The following HAND1 variants were observed in gnomAD, a reference collection of about 807,000 sequenced individuals.
The protein encoded by HAND1 is heart- and neural crest derivatives-expressed protein 1.
Under a neutral mutation model 14.5 loss-of-function variants are expected in HAND1, and 10 were observed. The ratio of observed to expected loss-of-function variants is 0.69; its 90% CI spans 0.42 to 1.17. The LOEUF is 1.17. Ranked by LOEUF, HAND1 falls within the 50% of genes most tolerant of loss-of-function variation. HAND1 has a pLI of 0.00. For missense variants in HAND1, 299 were observed against 298.4 expected, an observed-to-expected ratio of 1.00 and a Z score of -0.01; for synonymous variants, 128 against 127.1, an observed-to-expected ratio of 1.01 and a Z score of -0.05.
At position 154,477,545 on chromosome 5, in the gene HAND1, T is replaced by A; in HGVS notation, c.464A>T (p.Gln155Leu). Residue 155 changes from glutamine to leucine, a missense_variant, in exon 1 of 2, where the codon CAG (glutamine) becomes CTG (leucine). Gln to Leu is a moderately radical substitution (Grantham distance 113). Transcript: ENST00000231121. ...YLMDVLAKDA[Q>L]SGDPEAFKAE... ...CTTGAAGGCCTCGGGATCGCCAGAC[T>A]GTGCATCCTTGGCCAGCACGTCCAT... 1 of 1,614,234 alleles carries A rather than the reference T, an allele frequency of 6.2e-7. No homozygotes were observed. Among genetic ancestry groups the A allele is most frequent in the Non-Finnish European group, 8.5e-7 (1 of 1,180,026 alleles).
chr5:154,477,758 C>T lies in HAND1; in HGVS notation c.251G>A (p.Arg84Gln). ...PDARPGQSPG[R>Q]LEALGGRLGR... ...AAGACGGCCGCCAAGCGCCTCCAGC[C>T]GCCCGGGGCTCTGCCCAGGCCTGGC... The change falls in exon 1 of 2, where the codon CGG (arginine) becomes CAG (glutamine). Residue 84 changes from arginine to glutamine, a missense_variant. Transcript: ENST00000231121. 6.2e-7 allele frequency: 1 copy of T among 1,610,198 alleles called. No homozygotes were observed. The highest frequency in any genetic ancestry group is 8.5e-7 in the Non-Finnish European group (1 of 1,179,256).
chr5:154,476,434 A>C (rs1263366386), intron 1 of HAND1, among the ~76,000 whole-genome samples: 2 of 152,150 alleles, frequency 1.3e-5, no homozygotes, highest in African/African-American at 4.8e-5. Flanking sequence ...AGCAGGAACC[A>C]AGCGGTGCTA....
intron 1 of HAND1, 93 bp from the exon 2 acceptor site, chr5:154,476,003 G>C (rs1757535696): frequency 2.2e-6 from 2 of 929,258 alleles, no homozygotes; most frequent in Non-Finnish European, 3.5e-6. Flanking sequence ...TGAGGAGGAG[G>C]GGAAGGTGTC....
At chr5:154,476,669 A>G (rs779308716) in intron 1 of HAND1, among the ~76,000 whole-genome samples, 5 of 151,802 alleles carry the variant, frequency 3.3e-5, no homozygotes, top group South Asian at 2.1e-4. Context: ...AGCTGGCTCC[A>G]CTCCGCTACG....
rs1206454242 is a variant in HAND1 at position 154,477,690 on chromosome 5, T to G, written c.319A>C (p.Thr107Pro). ...GCGAATGCGCTGTTAATGCTCTCAG[T>G]GCGTCTCCGCTCCTTCTTGGGTCCT... ...GSGPKKERRR[T>P]ESINSAFAEL... Residue 107 changes from threonine (T) to proline (P), a missense_variant, in exon 1 of 2, where the codon ACT becomes CCT. Transcript: ENST00000231121. 3 of 1,614,220 alleles carry G rather than the reference T, an allele frequency of 1.9e-6. No individual in the cohort carries two copies. The highest frequency in any genetic ancestry group is 1.3e-5 in the African/African-American group (1 of 75,068).
In HAND1 at chr5:154,477,635, G is replaced by C. The variant is rs1405443403; in HGVS notation, c.374C>G (p.Pro125Arg). ...AELRECIPNV[P>R]ADTKLSKIKT... ...GATCTTGGAGAGCTTGGTGTCGGCC[G>C]GCACGTTGGGGATGCACTCGCGCAA... Residue 125 changes from proline to arginine, a missense_variant, in exon 1 of 2, where the codon CCG (proline) becomes CGG (arginine). Coordinates refer to ENST00000231121, the MANE Select transcript of HAND1 (RefSeq NM_004821.3). 1 of 1,614,116 alleles carries C rather than the reference G, an allele frequency of 6.2e-7. No individual in the cohort carries two copies. The highest frequency in any genetic ancestry group is 1.7e-5 in the Admixed American group (1 of 60,014).
Position 154,477,580 on chromosome 5 carries a change from G to A in HAND1, c.429C>T (p.Ile143=). The change falls in exon 1 of 2, where the codon ATC becomes ATT. Residue 143 remains isoleucine, a synonymous_variant. Transcript: ENST00000231121. The part of the protein sequence containing the change: ...IKTLRLATSY[I]AYLMDVLAKD... ...TGGCCAGCACGTCCATCAGGTAGGCGATGTAGCTGGTGGCTAGGCGCAGAG... is the reference window on the plus strand; with the variant it reads ...TGGCCAGCACGTCCATCAGGTAGGCAATGTAGCTGGTGGCTAGGCGCAGAG... The A allele has an allele frequency of 1.2e-6, 2 of 1,614,240 alleles. No individual in the cohort carries two copies. Among genetic ancestry groups the A allele is most frequent in the Non-Finnish European group, 1.7e-6 (2 of 1,180,022 alleles).
In HAND1 at chr5:154,477,828, G is replaced by T. The variant is rs768012504; in HGVS notation, c.181C>A (p.Pro61Thr). 1 of 1,592,636 alleles carries T rather than the reference G, an allele frequency of 6.3e-7. No homozygotes were observed. The highest frequency in any genetic ancestry group is 8.5e-7 in the Non-Finnish European group (1 of 1,176,424). The part of the protein sequence containing the change: ...DAAPDFPAGG[P>T]PPAAAAAATA... The stretch of plus-strand genomic sequence containing the variant: ...GCGGCTGCAGCGGCCGCGGGCGGCG[G>T]CCCGCCCGCAGGGAAGTCCGGGGCA... The change falls in exon 1 of 2, where the codon CCG becomes ACG. Residue 61 changes from proline (P) to threonine (T), a missense_variant. Physicochemically the swap from Pro to Thr is conservative, Grantham distance 38. Transcript: ENST00000231121.
Position 154,477,888 on chromosome 5 carries a change from A to G in HAND1, c.121T>C (p.Tyr41His). 9 of 1,600,754 alleles carry G rather than the reference A, an allele frequency of 5.6e-6. No individual in the cohort carries two copies. The highest frequency in any genetic ancestry group is 6.8e-6 in the Non-Finnish European group (8 of 1,179,828). ...GGGCTCAGCAGCCAGCTCTGGAAGT[A>G]GGGCCTTTCCTGATGACAGCGCGAG... ...PASRCHQERPYFQSWLLSPAD... is the reference protein window; with the variant it reads ...PASRCHQERPHFQSWLLSPAD... The change falls in exon 1 of 2, where the codon TAC becomes CAC. Residue 41 changes from tyrosine to histidine, a missense_variant. Transcript: ENST00000231121.
chr5:154,475,825 G>T lies in HAND1; in HGVS notation c.629C>A (p.Ala210Glu), dbSNP rs746068193. ...GRTGWPQQVW[A>E]LELNQ ...CTCGGCTCACTGGTTTAACTCCAGC[G>T]CCCAGACTTGCTGCGGCCAGCCGGT... Residue 210 changes from alanine (A) to glutamate (E), a missense_variant, in exon 2 of 2, where the codon GCG becomes GAG. Coordinates refer to ENST00000231121, the MANE Select transcript of HAND1 (RefSeq NM_004821.3). 1.9e-6 allele frequency: 3 copies of T among 1,612,988 alleles called. No individual in the cohort carries two copies. The highest frequency in any genetic ancestry group is 2.2e-5 in the South Asian group (2 of 91,042).
chr5:154,475,853 G>T lies in HAND1; in HGVS notation c.601C>A (p.Arg201Ser). The T allele has an allele frequency of 1.2e-6, 2 of 1,614,052 alleles. No individual in the cohort carries two copies. The highest frequency in any genetic ancestry group is 1.7e-6 in the Non-Finnish European group (2 of 1,179,936). The change falls in exon 2 of 2, where the codon CGC becomes AGC. Residue 201 changes from arginine (R) to serine (S), a missense_variant. Transcript: ENST00000231121. ...CAGACTTGCTGCGGCCAGCCGGTGC[G>T]TCCTTTAATCCTCTTCTCGACTGGG... Reference protein sequence around the residue: ...LGPVEKRIKGRTGWPQQVWAL... With the variant: ...LGPVEKRIKGSTGWPQQVWAL...
chr5:154,477,727 C>T lies in HAND1; in HGVS notation c.282G>A (p.Arg94=). Residue 94 remains arginine, a synonymous_variant, in exon 1 of 2, where the codon CGG becomes CGA. Transcript: ENST00000231121. The stretch of plus-strand genomic sequence containing the variant: ...CCTTCTTGGGTCCTGAGCCTTTCCG[C>T]CGGCCAAGACGGCCGCCAAGCGCCT... ...RLEALGGRLG[R]RKGSGPKKER... The T allele has an allele frequency of 1.9e-6, 3 of 1,613,402 alleles. No homozygotes were observed. The highest frequency in any genetic ancestry group is 1.3e-5 in the African/African-American group (1 of 75,070).
In HAND1 at chr5:154,477,748, C is replaced by T. The variant is rs768347498; in HGVS notation, c.261G>A (p.Ala87=). The stretch of plus-strand genomic sequence containing the variant: ...TCCGCCGGCCAAGACGGCCGCCAAG[C>T]GCCTCCAGCCGCCCGGGGCTCTGCC... ...RPGQSPGRLE[A]LGGRLGRRKG... is the part of the protein sequence containing the mutation. Residue 87 remains alanine (A), a synonymous_variant, in exon 1 of 2, where the codon GCG becomes GCA. Coordinates refer to ENST00000231121, the MANE Select transcript of HAND1 (RefSeq NM_004821.3). 2 of 1,611,438 alleles carry T rather than the reference C, an allele frequency of 1.2e-6. No homozygotes were observed. The highest frequency in any genetic ancestry group is 4.5e-5 in the East Asian group (2 of 44,822).
At position 154,477,944 on chromosome 5, in the gene HAND1, A is replaced by C; in HGVS notation, c.65T>G (p.Met22Arg). Reference protein sequence around the residue: ...HHHHPHPAHPMLHEPFLFGPA... With the variant: ...HHHHPHPAHPRLHEPFLFGPA... ...ACCGAAGAGGAAGGGTTCGTGGAGC[A>C]TGGGGTGCGCAGGGTGCGGGTGGTG... is the stretch of plus-strand genomic sequence containing the variant. The change falls in exon 1 of 2, where the codon ATG becomes AGG. Residue 22 changes from methionine (M) to arginine (R), a missense_variant. Met to Arg is a moderately conservative substitution (Grantham distance 91). Coordinates refer to ENST00000231121, the MANE Select transcript of HAND1 (RefSeq NM_004821.3). The C allele has an allele frequency of 6.3e-7, 1 of 1,598,558 alleles. No homozygotes were observed. Among genetic ancestry groups the C allele is most frequent in the South Asian group, 1.1e-5 (1 of 91,086 alleles).
At chr5:154,477,298 C>T (rs371283590) in intron 1 of HAND1, among the ~76,000 whole-genome samples, 168 bp downstream of exon 1, 15 of 152,150 alleles carry the variant, frequency 9.9e-5, no homozygotes, top group African/African-American at 3.6e-4. Context: ...GACGAATCTG[C>T]CTCCCTCCAT....
At chr5:154,477,394 ACTACC>A in intron 1 of HAND1, 67 bp downstream of exon 1, 1 of 1,204,274 alleles carries the variant, frequency 8.3e-7, no homozygotes, top group African/African-American at 1.5e-5. Context: ...GCCTCCTTCG[ACTACC>A]TGCATGGCCT....
In HAND1 at chr5:154,477,673, G is replaced by A. The variant is rs776179261; in HGVS notation, c.336C>T (p.Ser112=). ...TGCACTCGCGCAACTCCGCGAATGC[G>A]CTGTTAATGCTCTCAGTGCGTCTCC... ...KERRRTESIN[S]AFAELRECIP... The change falls in exon 1 of 2, where the codon AGC becomes AGT. Residue 112 remains serine, a synonymous_variant. Coordinates refer to ENST00000231121, the MANE Select transcript of HAND1 (RefSeq NM_004821.3). 1 of 1,614,228 alleles carries A rather than the reference G, an allele frequency of 6.2e-7. No homozygotes were observed. Among genetic ancestry groups the A allele is most frequent in the Non-Finnish European group, 8.5e-7 (1 of 1,180,032 alleles).
intron 1 of HAND1, among the ~76,000 whole-genome samples, chr5:154,476,994 A>G (rs936133352): frequency 3.9e-5 from 6 of 152,058 alleles, no homozygotes; most frequent in Non-Finnish European, 5.9e-5. Flanking sequence ...TCCTGCCCCG[A>G]CCCACTCTGG....
rs918913723 is a variant in HAND1, at chr5:154,476,647, G to A, written c.544-737C>T. Among the ~76,000 whole-genome samples, 4 of 152,248 alleles carry A rather than the reference G, an allele frequency of 2.6e-5. No individual in the cohort carries two copies. The South Asian group carries it at 8.3e-4, about 32-fold the overall frequency. The stretch of plus-strand genomic sequence containing the variant: ...GGCCCCCGCAGGTTGGATAAACCAG[G>A]TGGGGCGCTTCAGCTGGCTCCACTC... On this transcript the variant is annotated intron_variant, in intron 1 of 1. Transcript: ENST00000231121.
Sources: gnomAD v4.1 joint callset for allele counts (sites outside exome capture counted in the v4.1 genomes callset) on GRCh38, gnomAD v4.1.1 for gene constraint, MANE v1.5 for transcripts, NCBI Gene and HGNC (gene_info 2026-07-23, HGNC 2026-07-21) for gene names.